Variants in HPS4 observed in about 807,000 individuals in gnomAD.
The protein encoded by HPS4 is BLOC-3 complex member HPS4.
Under a neutral mutation model 70.3 loss-of-function variants are expected in HPS4, and 44 were observed. That is an observed-to-expected ratio of 0.63 (90% CI 0.49 to 0.80). HPS4 has a LOEUF of 0.80. Ranked by LOEUF, HPS4 falls within the 30% of genes least tolerant of loss-of-function variation. The probability of loss-of-function intolerance (pLI) is 0.00; values close to 1 mark genes in which losing one functional copy is unlikely to be tolerated. For missense variants in HPS4, 873 were observed against 884.4 expected (o/e 0.99, Z 0.16); for synonymous variants, 377 against 355.9 (o/e 1.06, Z -0.67).
downstream of HPS4, among the ~76,000 whole-genome samples, chr22:26,449,977 G>A (rs554659232): frequency 1.2e-4 from 19 of 152,318 alleles, no homozygotes; most frequent in Admixed American, 1.0e-3. Context: ...GGCACCTGGT[G>A]GCTGCTGGCA....
In HPS4 at chr22:26,451,210, T is replaced by C. The variant is rs139365115; in HGVS notation, c.*2023A>G. Among the ~76,000 whole-genome samples the C allele has an allele frequency of 2.2e-3, 339 of 152,332 alleles. 1 individual carries two copies. Among genetic ancestry groups the C allele is most frequent in the African/African-American group, 7.4e-3 (308 of 41,586 alleles). ...AACATGCTGCTTGGCTGTCCGTCGCTTGGCCCGTACTCTGGGGGCGCTAAT... is the reference window on the plus strand; with the variant it reads ...AACATGCTGCTTGGCTGTCCGTCGCCTGGCCCGTACTCTGGGGGCGCTAAT... On this transcript the variant is annotated 3_prime_UTR_variant, in exon 14 of 14. Transcript: ENST00000398145.
intron 6 of HPS4, chr22:26,471,213 C>T (rs750932384): frequency 1.0e-5 from 4 of 392,818 alleles, no homozygotes; most frequent in African/African-American, 2.1e-5. Context: ...ACCCACCTAC[C>T]CTATCCTCCA....
rs386395106 is a variant in HPS4 at position 26,457,210 on chromosome 22, C to CCTTTTTTTTTTTTTTTTTTTTTT, written c.1955+648_1955+649insAAAAAAAAAAAAAAAAAAAAAAG. Among the ~76,000 whole-genome samples, 11 of 25,554 alleles carry CCTTTTTTTTTTTTTTTTTTTTTT rather than the reference C, an allele frequency of 4.3e-4. 4 individuals are homozygous for CCTTTTTTTTTTTTTTTTTTTTTT. Among genetic ancestry groups the CCTTTTTTTTTTTTTTTTTTTTTT allele is most frequent in the Non-Finnish European group, 6.6e-4 (5 of 7,608 alleles). The allele number at this position is 25,554 out of a possible 152,430, so 16.8% of individuals were successfully genotyped here. On this transcript the variant is annotated intron_variant, in intron 13 of 13. Transcript: ENST00000398145. ...ATGACTGTATGATCAGCACGTATTA[C>CCTTTTTTTTTTTTTTTTTTTTTT]TTTTTTTTTTTTTTTTTTTTTTCTG... is the stretch of plus-strand genomic sequence containing the variant.
chr22:26,471,116 C>T (rs938290587), intron 6 of HPS4: 10 of 464,828 alleles, frequency 2.2e-5, no homozygotes, highest in South Asian at 4.0e-5. Flanking sequence ...CCTGGGAGAC[C>T]GACTGTCTAC....
chr22:26,460,140 AGAGT>A (rs2086948384), intron 11 of HPS4, among the ~76,000 whole-genome samples: 1 of 152,248 alleles, frequency 6.6e-6, no homozygotes, highest in Non-Finnish European at 1.5e-5. Flanking sequence ...AATGCTTAGT[AGAGT>A]GTCTGACTCC....
At chr22:26,449,803 G>A (rs1449482421), downstream of HPS4, among the ~76,000 whole-genome samples, 2 of 152,178 alleles carry the variant, frequency 1.3e-5, no homozygotes, top group African/African-American at 2.4e-5. Context: ...TCCTCTGGCT[G>A]CTGTAACAAA....
chr22:26,447,254 G>A (rs1601721767), downstream of HPS4, among the ~76,000 whole-genome samples: 4 of 152,322 alleles, frequency 2.6e-5, no homozygotes, highest in Admixed American at 2.6e-4. Flanking sequence ...ATTAGGTGGG[G>A]TGGTGGGGGG....
intron 5 of HPS4, 86 bp downstream of exon 5, chr22:26,472,746 A>C: frequency 9.7e-7 from 1 of 1,025,660 alleles, no homozygotes; most frequent in Non-Finnish European, 1.6e-6. Flanking sequence ...TGAAGTATAC[A>C]AGACCCCAGA....
chr22:26,458,269 G>C (rs2086551976), intron 12 of HPS4, among the ~76,000 whole-genome samples, 176 bp downstream of exon 12: 1 of 152,248 alleles, frequency 6.6e-6, no homozygotes, highest in African/African-American at 2.4e-5. Flanking sequence ...AGAAGCGTCT[G>C]CCCAGTGAAC....
At chr22:26,466,082 G>A (rs1464057424) in intron 9 of HPS4, 144 bp downstream of exon 9, 3 of 1,581,074 alleles carry the variant, frequency 1.9e-6, no homozygotes, top group African/African-American at 1.3e-5. Context: ...CTCGATTCTT[G>A]AAGCTCCATA....
In HPS4 at chr22:26,478,570, C is replaced by CAAA. The variant is rs58708957; in HGVS notation, c.132+692_132+694dup. Among the ~76,000 whole-genome samples the CAAA allele has an allele frequency of 1.5e-3, 163 of 111,114 alleles. 1 individual carries two copies. Among genetic ancestry groups the CAAA allele is most frequent in the African/African-American group, 4.8e-3 (132 of 27,568 alleles). The allele number at this position is 111,114 out of a possible 152,430, so 72.9% of individuals were successfully genotyped here. A position where few individuals can be genotyped will look rare whatever the true frequency, so the allele number is the denominator to read the frequency against. On this transcript the variant is annotated intron_variant, in intron 3 of 13. Transcript: ENST00000398145. ...TGGGTGACAGAGTGAGCCTCCATCACAAAAAAAAAAAAAAAAAAATCGGCA... is the reference window on the plus strand; with the variant it reads ...TGGGTGACAGAGTGAGCCTCCATCACAAAAAAAAAAAAAAAAAAAAAATCGGCA...
rs754899131 is a variant in HPS4 at position 26,458,437 on chromosome 22, G to A, written c.1846+8C>T. ...CCCGTCGCCCCAGGCCCCTTGGCTG[G>A]TTCTTACCCATCAGCAAGCTCTGAA... On this transcript the variant is annotated splice_region_variant and intron_variant, in intron 12 of 13. Coordinates refer to ENST00000398145, the MANE Select transcript of HPS4 (RefSeq NM_022081.6). 7.0e-5 allele frequency: 113 copies of A among 1,614,044 alleles called. No homozygotes were observed. The highest frequency in any genetic ancestry group is 9.4e-5 in the Non-Finnish European group (111 of 1,180,036).
At position 26,478,094 on chromosome 22, in the gene HPS4, T is replaced by A. The variant is rs1344792701; in HGVS notation, c.133-958A>T. Among the ~76,000 whole-genome samples, 6 of 152,318 alleles carry A rather than the reference T, an allele frequency of 3.9e-5. No individual in the cohort carries two copies. The East Asian group carries it at 1.2e-3, about 29-fold the overall frequency. On this transcript the variant is annotated intron_variant, in intron 3 of 13. Transcript: ENST00000398145. ...GCAAAATTTGAATACAGTCTGGGTATCAGGTAATATTAAGGAATTACTGTT... is the reference window on the plus strand; with the variant it reads ...GCAAAATTTGAATACAGTCTGGGTAACAGGTAATATTAAGGAATTACTGTT...
At chr22:26,458,023 AC>A in intron 12 of HPS4, 56 bp from the exon 13 acceptor site, 5 of 1,348,634 alleles carry the variant, frequency 3.7e-6, no homozygotes, top group Non-Finnish European at 5.2e-6. Flanking sequence ...CTGCCCTCCC[AC>A]CCCATGAAGC....
chr22:26,445,288 C>T (rs1344799141), intron 3 of HPS4, among the ~76,000 whole-genome samples: 2 of 151,898 alleles, frequency 1.3e-5, no homozygotes, highest in Non-Finnish European at 2.9e-5. Flanking sequence ...GAGCCTAGGT[C>T]GCGCCAGTGC....
Position 26,483,776 on chromosome 22 carries a change from G to A in HPS4, c.-581C>T, listed in dbSNP as rs184042272. The A allele has an allele frequency of 2.1e-5, 15 of 726,184 alleles. No homozygotes were observed. The East Asian group carries it at 3.6e-4, about 17-fold the overall frequency. The allele number at this position is 726,184 out of a possible 1,614,324, so 45.0% of individuals were successfully genotyped here. ...CTTCTGCCCCGTACCTGCGCGCGCGGCAGAGAGGCCTTAGGTCACGCGCCG... is the reference window on the plus strand; with the variant it reads ...CTTCTGCCCCGTACCTGCGCGCGCGACAGAGAGGCCTTAGGTCACGCGCCG... On this transcript the variant is annotated 5_prime_UTR_variant, in exon 1 of 14. Transcript: ENST00000398145.
chr22:26,466,409 G>A, intron 8 of HPS4, 147 bp from the exon 9 acceptor site: 1 of 861,524 alleles, frequency 1.2e-6, no homozygotes, highest in South Asian at 1.4e-5. Context: ...CCAAGCAGAT[G>A]GAACAGAAGC....
At chr22:26,443,170 G>A (rs1308525511), downstream of HPS4, 1 of 1,614,126 alleles carries the variant, frequency 6.2e-7, no homozygotes, top group East Asian at 2.2e-5. Flanking sequence ...CGGCCGAACG[G>A]CAGGCTCTTG....
chr22:26,462,518 G>T (rs1263374593), intron 11 of HPS4, among the ~76,000 whole-genome samples: 1 of 152,212 alleles, frequency 6.6e-6, no homozygotes, highest in Non-Finnish European at 1.5e-5. Flanking sequence ...CTGTTCTAAG[G>T]CTTGGCTAAA....
Sources: allele counts gnomAD v4.1 joint callset (sites outside exome capture counted in the v4.1 genomes callset), GRCh38; gene constraint gnomAD v4.1.1; transcripts MANE v1.5; gene names NCBI Gene and HGNC (gene_info 2026-07-23, HGNC 2026-07-21).